Variants in LHFPL6 observed in about 807,000 individuals in gnomAD.
The protein encoded by LHFPL6 is LHFPL tetraspan subfamily member 6 protein.
Under a neutral mutation model 20.6 loss-of-function variants are expected in LHFPL6, and 9 were observed. The ratio of observed to expected loss-of-function variants is 0.44; its 90% CI spans 0.26 to 0.76. LHFPL6 has a LOEUF of 0.76. LHFPL6 is among the 30% of genes least tolerant of loss of function. The pLI is 0.20. For missense variants in LHFPL6, 218 were observed against 253.5 expected, an observed-to-expected ratio of 0.86 and a Z score of 0.95; for synonymous variants, 105 against 98.7, an observed-to-expected ratio of 1.06 and a Z score of -0.38.
chr13:39,436,520 C>A lies in LHFPL6; in HGVS notation c.386-57994G>T, dbSNP rs111914434. 1.2e-3 allele frequency among the ~76,000 whole-genome samples: 189 copies of A among 152,270 alleles called. 1 individual carries two copies. Among genetic ancestry groups the A allele is most frequent in the African/African-American group, 4.1e-3 (172 of 41,548 alleles). On this transcript the variant is annotated intron_variant, in intron 2 of 3. Transcript: ENST00000379589. Reference sequence around the variant, plus strand: ...TATTCAATCCCTTCCTTTCTTCCTGCTCTGATGGCAATTCTTGAGATACAT... The same window carrying A: ...TATTCAATCCCTTCCTTTCTTCCTGATCTGATGGCAATTCTTGAGATACAT...
chr13:39,511,466 T>TA lies in LHFPL6; in HGVS notation c.385+89365dup, dbSNP rs67885553. Among the ~76,000 whole-genome samples the TA allele has an allele frequency of 4.3e-3, 611 of 140,836 alleles. 2 individuals carry two copies. The highest frequency in any genetic ancestry group is 8.4e-3 in the African/African-American group (330 of 39,332). 92.4% of individuals were successfully genotyped at this position (140,836 alleles called of 152,430 possible). ...ACCCCTGTCAATTGATTTAAATTCT[T>TA]AAAAAAAAAAAAAAAAGACAGAAAA... On this transcript the variant is annotated intron_variant, in intron 2 of 3. Transcript: ENST00000379589.
chr13:39,387,979 G>A lies in LHFPL6; in HGVS notation c.386-9453C>T, dbSNP rs140001313. 2.6e-5 allele frequency among the ~76,000 whole-genome samples: 4 copies of A among 152,266 alleles called. No homozygotes were observed. The East Asian group carries it at 7.7e-4, about 29-fold the overall frequency. ...TGGGGGCCGGTGAGTGAGAACCCCA[G>A]TTGTGAGCGCTGGCACACAAAAAGC... is the stretch of plus-strand genomic sequence containing the variant. On this transcript the variant is annotated intron_variant, in intron 2 of 3. Coordinates refer to ENST00000379589, the MANE Select transcript of LHFPL6 (RefSeq NM_005780.3).
intron 2 of LHFPL6, among the ~76,000 whole-genome samples, chr13:39,543,450 C>A (rs1314417687): frequency 6.6e-6 from 1 of 152,206 alleles, no homozygotes; most frequent in Admixed American, 6.5e-5. Flanking sequence ...ATGGTGCTGG[C>A]ACATAATAAG....
At chr13:39,575,418 A>C (rs1334077071) in intron 2 of LHFPL6, among the ~76,000 whole-genome samples, 1 of 152,226 alleles carries the variant, frequency 6.6e-6, no homozygotes, top group Non-Finnish European at 1.5e-5. Flanking sequence ...TTAAAATTAA[A>C]GATTAGTGTT....
intron 2 of LHFPL6, among the ~76,000 whole-genome samples, chr13:39,597,083 C>T (rs1014497465): frequency 2.0e-5 from 3 of 152,180 alleles, no homozygotes; most frequent in Admixed American, 6.5e-5. Flanking sequence ...AGATGATCTC[C>T]GGCTTCTTAG....
At chr13:39,477,103 G>A (rs1438412538) in intron 2 of LHFPL6, among the ~76,000 whole-genome samples, 2 of 152,084 alleles carry the variant, frequency 1.3e-5, no homozygotes, top group Admixed American at 6.6e-5. Flanking sequence ...TCTTCTCCCT[G>A]TGCCACAGAT....
At chr13:39,500,311 T>C (rs1869249769) in intron 2 of LHFPL6, among the ~76,000 whole-genome samples, 1 of 152,098 alleles carries the variant, frequency 6.6e-6, no homozygotes, top group Admixed American at 6.6e-5. Context: ...CTCAAGATCC[T>C]TCCACTTCAG....
At position 39,553,592 on chromosome 13, in the gene LHFPL6, C is replaced by T. The variant is rs1354307672; in HGVS notation, c.385+47240G>A. 2.0e-5 allele frequency among the ~76,000 whole-genome samples: 3 copies of T among 152,016 alleles called. No homozygotes were observed. The East Asian group carries it at 5.9e-4, about 30-fold the overall frequency. ...TAATTAGCCAGCATGGTGGTCTGTG[C>T]CTGTAGTCCCAGCTACTCAGGAAGC... On this transcript the variant is annotated intron_variant, in intron 2 of 3. Coordinates refer to ENST00000379589, the MANE Select transcript of LHFPL6 (RefSeq NM_005780.3).
At chr13:39,505,487 G>A (rs955736103) in intron 2 of LHFPL6, among the ~76,000 whole-genome samples, 3 of 151,426 alleles carry the variant, frequency 2.0e-5, no homozygotes, top group Non-Finnish European at 2.9e-5. Context: ...GAGGAGATAC[G>A]AGAACTGTCT....
chr13:39,453,651 A>T (rs906903819), intron 2 of LHFPL6, among the ~76,000 whole-genome samples: 1 of 152,216 alleles, frequency 6.6e-6, no homozygotes, highest in African/African-American at 2.4e-5. Flanking sequence ...CGCTATTGGT[A>T]AGGGAGTGTT....
At chr13:39,347,763 G>A (rs946378366) in intron 3 of LHFPL6, among the ~76,000 whole-genome samples, 2 of 152,146 alleles carry the variant, frequency 1.3e-5, no homozygotes, top group African/African-American at 4.8e-5. Flanking sequence ...ACCTATGAGG[G>A]GGAATTAATT....
chr13:39,531,409 T>TA (rs145528605), intron 2 of LHFPL6, among the ~76,000 whole-genome samples: 2,530 of 152,144 alleles, frequency 0.017, 50 homozygotes, highest in African/African-American at 0.049. Context: ...TTAAAGACAA[T>TA]AAAAAAATTA....
At chr13:39,562,499 T>TATATATAC (rs1871543372) in intron 2 of LHFPL6, among the ~76,000 whole-genome samples, 16 of 84,676 alleles carry the variant, frequency 1.9e-4, no homozygotes, top group South Asian at 4.0e-4. Flanking sequence ...CACATATACA[T>TATATATAC]ATATACATAT....
intron 2 of LHFPL6, among the ~76,000 whole-genome samples, chr13:39,490,747 G>A (rs1868898148): frequency 1.3e-5 from 2 of 152,212 alleles, no homozygotes; most frequent in South Asian, 2.1e-4. Context: ...AGTAAAGCTG[G>A]AGGGGACAGC....
chr13:39,497,602 T>C (rs917271841), intron 2 of LHFPL6, among the ~76,000 whole-genome samples: 1 of 152,208 alleles, frequency 6.6e-6, no homozygotes, highest in East Asian at 1.9e-4. Flanking sequence ...TCATTTTGTA[T>C]AGATATGGGC....
intron 2 of LHFPL6, among the ~76,000 whole-genome samples, chr13:39,568,577 C>A (rs1405586714): frequency 6.6e-6 from 1 of 152,202 alleles, no homozygotes; most frequent in Admixed American, 6.5e-5. Flanking sequence ...AGCTTTCTCT[C>A]AATTCTGTAA....
Position 39,343,845 on chromosome 13 carries a change from C to G in LHFPL6, c.*91G>C. The G allele has an allele frequency of 2.3e-6, 2 of 855,656 alleles. No individual in the cohort carries two copies. Among genetic ancestry groups the G allele is most frequent in the Non-Finnish European group, 3.8e-6 (2 of 522,480 alleles). 53.0% of individuals were successfully genotyped at this position (855,656 alleles called of 1,614,324 possible). On this transcript the variant is annotated 3_prime_UTR_variant, in exon 4 of 4. Transcript: ENST00000379589. Reference sequence around the variant, plus strand: ...TTAGCATTGTATTGGATTAGAACTACTATCCCACCTTTTGAAGGTAGGTGG... The same window carrying G: ...TTAGCATTGTATTGGATTAGAACTAGTATCCCACCTTTTGAAGGTAGGTGG...
chr13:39,424,675 C>A (rs546605569), intron 2 of LHFPL6, among the ~76,000 whole-genome samples: 11 of 152,038 alleles, frequency 7.2e-5, no homozygotes, highest in Non-Finnish European at 1.5e-4. Flanking sequence ...AATGGTACTG[C>A]AATTTTTCAA....
intron 2 of LHFPL6, among the ~76,000 whole-genome samples, chr13:39,473,630 G>T (rs371677236): frequency 6.6e-6 from 1 of 151,868 alleles, no homozygotes; most frequent in African/African-American, 2.4e-5. Flanking sequence ...TCTTTCTTTC[G>T]GATACATTGA....
Sources: gnomAD v4.1 joint callset for allele counts (sites outside exome capture counted in the v4.1 genomes callset) on GRCh38, gnomAD v4.1.1 for gene constraint, MANE v1.5 for transcripts, NCBI Gene and HGNC (gene_info 2026-07-23, HGNC 2026-07-21) for gene names.